Variants in TENM2 observed in about 807,000 individuals in gnomAD.
TENM2 encodes teneurin transmembrane protein 2, also known as teneurin-2.
TENM2 carries 52 observed loss-of-function variants against 245.2 expected under a neutral mutation model. That is an observed-to-expected ratio of 0.21 (90% confidence interval 0.17 to 0.27). The LOEUF (loss-of-function observed/expected upper bound fraction) is 0.27, where lower values mean the gene tolerates loss of function less well. Among genes scored for constraint, TENM2 ranks in the 10% least tolerant of loss-of-function variants. The pLI is 1.00. For synonymous variants in TENM2, 1,363 were observed against 1,438.9 expected, an observed-to-expected ratio of 0.95 and a Z score of 1.19; for missense variants, 3,046 against 3,666.8, an observed-to-expected ratio of 0.83 and a Z score of 4.37.
intron 2 of TENM2, among the ~76,000 whole-genome samples, chr5:167,550,136 CTT>C (rs1404296027): frequency 6.6e-6 from 1 of 152,186 alleles, no homozygotes; most frequent in African/African-American, 2.4e-5. Flanking sequence ...ACTCTCTTCA[CTT>C]TCTTTTTTTT....
chr5:167,222,084 A>C, the TENM2 span, among the ~76,000 whole-genome samples: 78 of 152,344 alleles, frequency 5.1e-4, 1 homozygote, highest in East Asian at 0.013. Context: ...CTGTTTCCTT[A>C]GAAAAAAATT....
At chr5:168,107,067 AAGAG>A (rs1435908769) in intron 9 of TENM2, among the ~76,000 whole-genome samples, 1 of 151,860 alleles carries the variant, frequency 6.6e-6, no homozygotes, top group African/African-American at 2.4e-5. Flanking sequence ...CAGAGAGAGA[AAGAG>A]AGAGAGAAAT....
At chr5:167,283,626 T>A (rs1771178910), upstream of TENM2, among the ~76,000 whole-genome samples, 1 of 152,184 alleles carries the variant, frequency 6.6e-6, no homozygotes, top group African/African-American at 2.4e-5. Flanking sequence ...CCTGACATAT[T>A]GAGGAGGCAG....
the TENM2 span, among the ~76,000 whole-genome samples, chr5:167,089,732 A>G: frequency 5.1e-3 from 770 of 152,318 alleles, 7 homozygotes; most frequent in African/African-American, 0.017. Flanking sequence ...TAAAGACAGA[A>G]GAGAATGGAT....
intron 25 of TENM2, among the ~76,000 whole-genome samples, chr5:168,238,965 C>T (rs138078205): frequency 0.014 from 2,173 of 152,286 alleles, 24 homozygotes; most frequent in Non-Finnish European, 0.021. Context: ...GGAAGGGAAT[C>T]GTGTTGATCC....
chr5:167,206,116 G>A, the TENM2 span, among the ~76,000 whole-genome samples: 8 of 152,106 alleles, frequency 5.3e-5, no homozygotes, highest in South Asian at 2.1e-4. Context: ...GCCAAAGGTC[G>A]CAGAAAACAA....
chr5:168,102,357 G>C (rs995080705), intron 9 of TENM2, among the ~76,000 whole-genome samples: 2 of 152,236 alleles, frequency 1.3e-5, no homozygotes, highest in African/African-American at 4.8e-5. Flanking sequence ...ACAGGCGTGA[G>C]CCACCTCGCC....
chr5:168,210,662 C>T (rs890636231), intron 19 of TENM2, among the ~76,000 whole-genome samples: 4 of 149,370 alleles, frequency 2.7e-5, no homozygotes, highest in East Asian at 2.0e-4. Flanking sequence ...AATATAAAAA[C>T]GTAATCCCTG....
chr5:168,033,169 T>C (rs1787287772), intron 5 of TENM2: 1 of 152,192 alleles, frequency 6.6e-6, no homozygotes, highest in African/African-American at 2.4e-5. Context: ...ACTATAAGTC[T>C]TTGTCCACAA....
intron 2 of TENM2, among the ~76,000 whole-genome samples, chr5:167,435,703 A>G (rs1253135719): frequency 6.6e-6 from 1 of 152,084 alleles, no homozygotes; most frequent in Admixed American, 6.5e-5. Flanking sequence ...AGAAGAAGAT[A>G]AAAAAATGTG....
chr5:167,829,677 T>C (rs1020233912), intron 2 of TENM2, among the ~76,000 whole-genome samples: 2 of 152,218 alleles, frequency 1.3e-5, no homozygotes, highest in Non-Finnish European at 2.9e-5. Context: ...AGATGTAACA[T>C]TTGTTTCCAT....
chr5:167,543,162 T>A (rs1454776517), intron 2 of TENM2, among the ~76,000 whole-genome samples: 1 of 152,132 alleles, frequency 6.6e-6, no homozygotes, highest in African/African-American at 2.4e-5. Flanking sequence ...AGCACTTCCG[T>A]TTAGAGAGCA....
At chr5:167,615,441 G>C (rs998685718) in intron 2 of TENM2, among the ~76,000 whole-genome samples, 1 of 152,086 alleles carries the variant, frequency 6.6e-6, no homozygotes, top group Non-Finnish European at 1.5e-5. Context: ...TTGAACCTGA[G>C]ATTGACACTC....
At chr5:167,327,934 G>C (rs981272922) in intron 1 of TENM2, among the ~76,000 whole-genome samples, 1 of 152,134 alleles carries the variant, frequency 6.6e-6, no homozygotes, top group Non-Finnish European at 1.5e-5. Flanking sequence ...TGATGATATT[G>C]TATGAAATTA....
chr5:167,651,055 T>A (rs1754425790), intron 2 of TENM2, among the ~76,000 whole-genome samples: 2 of 151,984 alleles, frequency 1.3e-5, no homozygotes, highest in Non-Finnish European at 2.9e-5. Flanking sequence ...TAAAAGAACA[T>A]CCTCATTTTA....
At chr5:168,024,053 A>T (rs1266585222) in intron 5 of TENM2, among the ~76,000 whole-genome samples, 1 of 152,338 alleles carries the variant, frequency 6.6e-6, no homozygotes, top group African/African-American at 2.4e-5. Flanking sequence ...ATGAATAGAT[A>T]GACCGACATA....
chr5:167,902,015 G>A lies in TENM2; in HGVS notation c.712+25820G>A, dbSNP rs999428157. ...CTGTTTTCCCATATCCTAAGTAATC[G>A]TCCTATCCTTTGCACATTTTATGCA... On this transcript the variant is annotated intron_variant, in intron 3 of 28. Coordinates refer to ENST00000518659, the Ensembl canonical transcript of TENM2. Among the ~76,000 whole-genome samples the A allele has an allele frequency of 7.9e-5, 12 of 152,114 alleles. 1 individual carries two copies. The highest frequency in any genetic ancestry group is 2.9e-5 in the Non-Finnish European group (2 of 68,038).
At chr5:167,421,815 TG>T (rs1364148664) in intron 2 of TENM2, among the ~76,000 whole-genome samples, 1 of 152,164 alleles carries the variant, frequency 6.6e-6, no homozygotes, top group African/African-American at 2.4e-5. Context: ...TGTTTTGAGA[TG>T]GAGTCTCCCT....
intron 2 of TENM2, among the ~76,000 whole-genome samples, chr5:167,494,331 G>A (rs1768644731): frequency 6.6e-6 from 1 of 152,106 alleles, no homozygotes; most frequent in Admixed American, 6.6e-5. Flanking sequence ...CTAAAGGGTT[G>A]AAAGGTTTAA....
Sources: allele counts gnomAD v4.1 joint callset (sites outside exome capture counted in the v4.1 genomes callset), GRCh38; gene constraint gnomAD v4.1.1; transcripts MANE v1.5; gene names NCBI Gene and HGNC (gene_info 2026-07-23, HGNC 2026-07-21).